Variants in SVEP1 observed in about 807,000 individuals in gnomAD.
SVEP1 encodes sushi, von Willebrand factor type A, EGF and pentraxin domain containing 1, also known as sushi, von Willebrand factor type A, EGF and pentraxin domain-containing protein 1.
SVEP1 carries 164 observed loss-of-function variants against 367.3 expected under a neutral mutation model. The ratio of observed to expected loss-of-function variants is 0.45; its 90% CI spans 0.39 to 0.51. The LOEUF (loss-of-function observed/expected upper bound fraction) is 0.51, where lower values mean the gene tolerates loss of function less well. Ranked by LOEUF, SVEP1 falls within the 20% of genes least tolerant of loss-of-function variation. The pLI, the probability that SVEP1 is intolerant of heterozygous loss-of-function variation, is 0.00. For synonymous variants in SVEP1, 1,666 were observed against 1,611.6 expected (o/e 1.03, Z -0.81); for missense variants, 4,117 against 4,425.3 (o/e 0.93, Z 1.98).
In SVEP1 at chr9:110,451,330, C is replaced by T. The variant is rs375072135; in HGVS notation, c.3860G>A (p.Gly1287Asp). 8.7e-6 allele frequency: 14 copies of T among 1,613,794 alleles called. No homozygotes were observed. The highest frequency in any genetic ancestry group is 8.0e-5 in the African/African-American group (6 of 75,024). Reference protein sequence around the residue: ...PCLNKGICVDGVAGYRCTCVK... With the variant: ...PCLNKGICVDDVAGYRCTCVK... The stretch of plus-strand genomic sequence containing the variant: ...ACATGTGCAACGATAGCCAGCCACA[C>T]CATCAACACAGATTCCTTTATTTAA... Residue 1287 changes from glycine to aspartate, a missense_variant, in exon 23 of 48, where the codon GGT (glycine) becomes GAT (aspartate). By Grantham distance (94) the Gly-to-Asp change is moderately conservative. Around this residue, in one of 4 missense-constraint regions of SVEP1, gnomAD observed 2,174 missense variants for 2,494.3 expected, o/e 0.87. Transcript: ENST00000374469.
chr9:110,579,419 G>T lies in SVEP1; in HGVS notation c.125C>A (p.Ala42Asp). ...FRLFPETAPGAPGSIPAPPAP... is the reference protein window; with the variant it reads ...FRLFPETAPGDPGSIPAPPAP... ...GGGCGGCGCGGGGATACTCCCGGGG[G>T]CCCCGGGCGCGGTCTCGGGGAAGAG... Residue 42 changes from alanine (A) to aspartate (D), a missense_variant, in exon 1 of 48, where the codon GCC becomes GAC. Coordinates refer to ENST00000374469, the MANE Select transcript of SVEP1 (RefSeq NM_153366.4). The surrounding 1 kb of genome is among the most constrained non-coding windows in gnomAD (Gnocchi z 5.3). 1.3e-6 allele frequency: 2 copies of T among 1,582,658 alleles called. No homozygotes were observed. The highest frequency in any genetic ancestry group is 1.7e-6 in the Non-Finnish European group (2 of 1,165,416).
chr9:110,428,389 CCT>C (rs753763669), intron 35 of SVEP1, among the ~76,000 whole-genome samples: 34 of 134,418 alleles, frequency 2.5e-4, no homozygotes, highest in Non-Finnish European at 4.4e-4. Flanking sequence ...TCCACTGTCC[CCT>C]CTGTTTAAAC....
chr9:110,515,686 G>A (rs1168519560), intron 3 of SVEP1, among the ~76,000 whole-genome samples: 1 of 152,030 alleles, frequency 6.6e-6, no homozygotes, highest in East Asian at 1.9e-4. Context: ...ATCAATATTT[G>A]CATTAATTTC....
rs372081889 is a variant in SVEP1, at chr9:110,455,565, T to G, written c.3787+25A>C. 2.1e-5 allele frequency: 33 copies of G among 1,555,996 alleles called. No homozygotes were observed. In the African/African-American group the frequency reaches 4.0e-4, roughly 19 times the overall value. ...TTAATGATTCAAAGATTTATATTGT[T>G]GAAAACAGGAGACCTTCCCCTTACC... On this transcript the variant is annotated intron_variant, in intron 22 of 47. Coordinates refer to ENST00000374469, the MANE Select transcript of SVEP1 (RefSeq NM_153366.4).
intron 40 of SVEP1, among the ~76,000 whole-genome samples, chr9:110,391,099 A>C (rs1365997019): frequency 6.6e-6 from 1 of 152,178 alleles, no homozygotes; most frequent in Admixed American, 6.5e-5. Flanking sequence ...TAATATTAAT[A>C]AAATGTCGTT....
intron 1 of SVEP1, among the ~76,000 whole-genome samples, chr9:110,560,660 C>A (rs986249953): frequency 6.6e-6 from 1 of 152,162 alleles, no homozygotes; most frequent in Admixed American, 6.5e-5. Context: ...CCTCTCCACA[C>A]ACAAATAGGG....
chr9:110,378,855 G>T (rs748592866), intron 44 of SVEP1, among the ~76,000 whole-genome samples: 1 of 151,286 alleles, frequency 6.6e-6, no homozygotes, highest in Non-Finnish European at 1.5e-5. Flanking sequence ...GGCACATGTA[G>T]ACATATGTAA....
chr9:110,379,041 G>T (rs1827394302), intron 44 of SVEP1, among the ~76,000 whole-genome samples: 1 of 149,452 alleles, frequency 6.7e-6, no homozygotes, highest in Non-Finnish European at 1.5e-5. Context: ...TAGAATGAAT[G>T]AAATAATTAT....
At position 110,386,034 on chromosome 9, in the gene SVEP1, A is replaced by C; in HGVS notation, c.10101T>G (p.Ala3367=). The C allele has an allele frequency of 1.2e-6, 2 of 1,613,828 alleles. No individual in the cohort carries two copies. The highest frequency in any genetic ancestry group is 1.7e-6 in the Non-Finnish European group (2 of 1,179,800). Residue 3367 remains alanine (A), a synonymous_variant, in exon 43 of 48, where the codon GCT becomes GCG. Coordinates refer to ENST00000374469, the MANE Select transcript of SVEP1 (RefSeq NM_153366.4). ...CATAAAACTCCTTTTCAGACAGCAGAGCATTCTCGGGAATCACAAAAGGAA... is the reference window on the plus strand; with the variant it reads ...CATAAAACTCCTTTTCAGACAGCAGCGCATTCTCGGGAATCACAAAAGGAA... ...CPVPFVIPEN[A]LLSEKEFYVD... is the part of the protein sequence containing the mutation.
intron 5 of SVEP1, among the ~76,000 whole-genome samples, chr9:110,505,880 A>T (rs1829618626): frequency 6.6e-6 from 1 of 151,978 alleles, no homozygotes; most frequent in Admixed American, 6.6e-5. Context: ...CAGGTGTGTT[A>T]CATAGGTATA....
chr9:110,556,434 T>C (rs1830358998), intron 1 of SVEP1, among the ~76,000 whole-genome samples: 1 of 152,200 alleles, frequency 6.6e-6, no homozygotes. Context: ...AATTACCCAT[T>C]GTGACCAGCC....
Position 110,489,773 on chromosome 9 carries a change from C to G in SVEP1, c.1807G>C (p.Val603Leu). 1 of 1,612,242 alleles carries G rather than the reference C, an allele frequency of 6.2e-7. No homozygotes were observed. Among genetic ancestry groups the G allele is most frequent in the South Asian group, 1.1e-5 (1 of 90,646 alleles). The change falls in exon 9 of 48, where the codon GTC becomes CTC. Residue 603 changes from valine to leucine, a missense_variant. Around this residue, in one of 4 missense-constraint regions of SVEP1, gnomAD observed 2,174 missense variants for 2,494.3 expected, o/e 0.87. Coordinates refer to ENST00000374469, the MANE Select transcript of SVEP1 (RefSeq NM_153366.4). ...AKDNSGEKVS[V>L]HVHPAFTPPY... ...GGGGTGAAAGCTGGATGAACGTGGA[C>G]TGACACCTATTGGAGATACACAAAT...
At chr9:110,401,533 A>T (rs1827861234) in intron 39 of SVEP1, among the ~76,000 whole-genome samples, 2 of 146,364 alleles carry the variant, frequency 1.4e-5, no homozygotes, top group Admixed American at 6.7e-5. Context: ...AAAAAAATTT[A>T]TATATATATA....
At chr9:110,392,107 C>A (rs1827664091) in intron 40 of SVEP1, among the ~76,000 whole-genome samples, 1 of 139,370 alleles carries the variant, frequency 7.2e-6, no homozygotes, top group Admixed American at 7.4e-5. Flanking sequence ...GATTTAGCCT[C>A]CATTAACTTG....
intron 44 of SVEP1, 108 bp downstream of exon 44, chr9:110,379,239 G>T (rs764871070): frequency 8.0e-7 from 1 of 1,252,040 alleles, no homozygotes; most frequent in Non-Finnish European, 1.1e-6. Context: ...AAATTTTAAA[G>T]CCAAGGAAAA....
Position 110,472,321 on chromosome 9 carries a change from G to A in SVEP1, c.2602C>T (p.Pro868Ser). The part of the protein sequence containing the change: ...YDYENGFAIG[P>S]GGWGAANRLD... ...CTATTAGCTGCACCCCAGCCACCTG[G>A]TCCTGGATAGTCGGGGCAGAGACAC... The change falls in exon 15 of 48, where the codon CCA becomes TCA. Residue 868 changes from proline to serine, a missense_variant and splice_region_variant. This residue lies in a region of SVEP1 where 2,174 missense variants were observed against 2,494.3 expected (regional missense o/e 0.87). Transcript: ENST00000374469. 6.3e-7 allele frequency: 1 copy of A among 1,578,044 alleles called. No individual in the cohort carries two copies. Among genetic ancestry groups the A allele is most frequent in the Non-Finnish European group, 8.6e-7 (1 of 1,166,214 alleles).
At chr9:110,379,905 T>G (rs1827408779) in intron 43 of SVEP1, among the ~76,000 whole-genome samples, 1 of 152,194 alleles carries the variant, frequency 6.6e-6, no homozygotes, top group African/African-American at 2.4e-5. Context: ...GTAAAGATCA[T>G]TAATTGTAGT....
intron 44 of SVEP1, among the ~76,000 whole-genome samples, chr9:110,377,657 C>G (rs1212659814): frequency 6.6e-6 from 1 of 152,152 alleles, no homozygotes; most frequent in African/African-American, 2.4e-5. Context: ...AAATAATCAC[C>G]ACAATGGAGC....
intron 1 of SVEP1, among the ~76,000 whole-genome samples, chr9:110,575,469 A>T (rs1830616099): frequency 6.6e-6 from 1 of 152,194 alleles, no homozygotes; most frequent in Non-Finnish European, 1.5e-5. Flanking sequence ...TCAGGACCTC[A>T]TGAGTATTTA....
Sources: gnomAD v4.1 joint callset for allele counts (sites outside exome capture counted in the v4.1 genomes callset) on GRCh38, gnomAD v4.1.1 for gene constraint, gnomAD v4.1.1 regional missense constraint, Gnocchi (gnomAD v3.1) non-coding constraint, MANE v1.5 for transcripts, NCBI Gene and HGNC (gene_info 2026-07-23, HGNC 2026-07-21) for gene names.